The following BAZ2B variants were observed in gnomAD, a reference collection of about 807,000 sequenced individuals.
The protein encoded by BAZ2B is bromodomain adjacent to zinc finger domain 2B.
Under a neutral mutation model 246.0 loss-of-function variants are expected in BAZ2B, and 91 were observed. The ratio of observed to expected loss-of-function variants is 0.37; its 90% CI spans 0.31 to 0.44. The LOEUF is 0.44. Ranked by LOEUF, BAZ2B falls within the 20% of genes least tolerant of loss-of-function variation. The pLI is 1.00. For missense variants in BAZ2B, 2,332 were observed against 2,533.7 expected (o/e 0.92, Z 1.71); for synonymous variants, 855 against 860.0 (o/e 0.99, Z 0.10).
intron 11 of BAZ2B, among the ~76,000 whole-genome samples, chr2:159,428,770 G>A (rs2070485736): frequency 6.6e-6 from 1 of 152,032 alleles, no homozygotes; most frequent in African/African-American, 2.4e-5. Flanking sequence ...TCTGCTGCTT[G>A]GGGTTCACGT....
chr2:159,653,094 T>C, the BAZ2B span, among the ~76,000 whole-genome samples: 2 of 152,090 alleles, frequency 1.3e-5, no homozygotes, highest in Admixed American at 6.5e-5. Context: ...CACGCCACCA[T>C]ACTTGGCTAA....
At position 159,529,870 on chromosome 2, in the gene BAZ2B, C is replaced by A. The variant is rs182712408; in HGVS notation, c.-3+25953G>T. 4.9e-4 allele frequency among the ~76,000 whole-genome samples: 75 copies of A among 152,058 alleles called. No homozygotes were observed. In the East Asian group the frequency reaches 9.5e-3, roughly 19 times the overall value. On this transcript the variant is annotated intron_variant, in intron 2 of 36. Transcript: ENST00000392783. ...ATTAAAGTAGATAATAGGTAAAATA[C>A]CTACATATCAACATATTCATTGATA...
intron 1 of BAZ2B, among the ~76,000 whole-genome samples, chr2:159,559,991 G>A (rs1469137570): frequency 6.6e-6 from 1 of 152,080 alleles, no homozygotes; most frequent in Non-Finnish European, 1.5e-5. Flanking sequence ...ACCAATGTGG[G>A]AAAAGAATTT....
intron 2 of BAZ2B, among the ~76,000 whole-genome samples, chr2:159,500,761 C>T (rs2081615325): frequency 6.6e-6 from 1 of 152,008 alleles, no homozygotes; most frequent in African/African-American, 2.4e-5. Flanking sequence ...CGAGACCAGC[C>T]TGGCAGACTG....
Position 159,389,502 on chromosome 2 carries a change from T to C in BAZ2B, c.3076-17A>G, listed in dbSNP as rs201698644. On this transcript the variant is annotated splice_polypyrimidine_tract_variant and intron_variant, in intron 20 of 36. Transcript: ENST00000392783. ...CTCTTTTTCCTTAAAAAGAAAACCA[T>C]GTACACATATTCTTCTTAATCATTA... 1.3e-5 allele frequency: 20 copies of C among 1,572,950 alleles called. No individual in the cohort carries two copies. In the Admixed American group the frequency reaches 1.9e-4, roughly 15 times the overall value.
At chr2:159,685,392 C>G in the BAZ2B span, among the ~76,000 whole-genome samples, 1 of 152,094 alleles carries the variant, frequency 6.6e-6, no homozygotes, top group Non-Finnish European at 1.5e-5. Flanking sequence ...TTACAACATT[C>G]AGCTCTTAAA....
chr2:159,689,765 T>G, the BAZ2B span: 1 of 502,998 alleles, frequency 2.0e-6, no homozygotes, highest in African/African-American at 2.0e-5. Context: ...TGGAATCAAT[T>G]TATTGACCAC....
intron 3 of BAZ2B, among the ~76,000 whole-genome samples, chr2:159,465,529 G>T (rs62173220): frequency 6.6e-6 from 1 of 152,014 alleles, no homozygotes; most frequent in Non-Finnish European, 1.5e-5. Context: ...AAACTACAAA[G>T]TTCTACTAAA....
At chr2:159,541,092 G>C (rs2086607437) in intron 2 of BAZ2B, among the ~76,000 whole-genome samples, 1 of 152,130 alleles carries the variant, frequency 6.6e-6, no homozygotes, top group African/African-American at 2.4e-5. Context: ...TGATACAGAT[G>C]TTAGATCCAA....
the BAZ2B span, among the ~76,000 whole-genome samples, chr2:159,676,009 C>T: frequency 2.6e-5 from 4 of 152,182 alleles, no homozygotes; most frequent in Admixed American, 6.5e-5. Flanking sequence ...GATTCTCCTG[C>T]CTCAGTCTCC....
the BAZ2B span, among the ~76,000 whole-genome samples, chr2:159,638,883 C>G: frequency 6.6e-6 from 1 of 152,010 alleles, no homozygotes; most frequent in South Asian, 2.1e-4. Context: ...CATCAACATT[C>G]AAGTACAAGA....
chr2:159,497,772 C>T (rs1033874020), intron 2 of BAZ2B, among the ~76,000 whole-genome samples: 8 of 152,176 alleles, frequency 5.3e-5, no homozygotes, highest in African/African-American at 1.9e-4. Context: ...TCTTCTGTTA[C>T]TGTTCCCTGC....
rs77924269 is a variant in BAZ2B, at chr2:159,403,102, T to C, written c.2832+1747A>G. 8.2e-3 allele frequency among the ~76,000 whole-genome samples: 1,256 copies of C among 152,284 alleles called. 48 individuals carry two copies. In the East Asian group the frequency reaches 0.092, roughly 11 times the overall value. ...AATTGTCTTAAGGACTATCTGGTGA[T>C]ATTTTTGGTCTACTAGGTGGAAAAA... On this transcript the variant is annotated intron_variant, in intron 16 of 36. Transcript: ENST00000392783.
At chr2:159,326,827 GA>G (rs951107166) in intron 34 of BAZ2B, among the ~76,000 whole-genome samples, 6 of 151,732 alleles carry the variant, frequency 4.0e-5, no homozygotes, top group Admixed American at 1.3e-4. Flanking sequence ...TATTCATAGA[GA>G]AAAAAAATCT....
At chr2:159,489,747 A>T (rs561420310) in intron 2 of BAZ2B, among the ~76,000 whole-genome samples, 40 of 151,622 alleles carry the variant, frequency 2.6e-4, no homozygotes, top group South Asian at 1.0e-3. Flanking sequence ...ACTAAATTTA[A>T]AAAAAAAATT....
At chr2:159,386,725 AG>A in intron 21 of BAZ2B, 118 bp from the exon 22 acceptor site, 3 of 1,192,614 alleles carry the variant, frequency 2.5e-6, no homozygotes, top group Non-Finnish European at 3.4e-6. Flanking sequence ...GTATTGTACC[AG>A]TAGCTTCCTT....
chr2:159,544,546 G>A (rs1191595894), intron 2 of BAZ2B, among the ~76,000 whole-genome samples: 1 of 152,214 alleles, frequency 6.6e-6, no homozygotes, highest in Non-Finnish European at 1.5e-5. Context: ...AGTTTGAACA[G>A]GTTGAATTAC....
upstream of BAZ2B, among the ~76,000 whole-genome samples, chr2:159,621,032 C>T (rs148916447): frequency 1.3e-5 from 2 of 152,172 alleles, no homozygotes; most frequent in African/African-American, 4.8e-5. Context: ...AGTTTGGTGA[C>T]TAACTGAAAA....
chr2:159,387,012 G>A (rs953493002), intron 21 of BAZ2B, among the ~76,000 whole-genome samples: 2 of 151,982 alleles, frequency 1.3e-5, no homozygotes, highest in Non-Finnish European at 2.9e-5. Flanking sequence ...ATACTTATAG[G>A]GGCATGTGCA....
Sources: gnomAD v4.1 joint callset for allele counts (sites outside exome capture counted in the v4.1 genomes callset) on GRCh38, gnomAD v4.1.1 for gene constraint, MANE v1.5 for transcripts, NCBI Gene and HGNC (gene_info 2026-07-23, HGNC 2026-07-21) for gene names.